DIP2C: variants seen among roughly 807,000 people sequenced by gnomAD.
The protein encoded by DIP2C is disco-interacting protein 2 homolog C.
Under a neutral mutation model 192.4 loss-of-function variants are expected in DIP2C, and 33 were observed. That is an observed-to-expected ratio of 0.17 (90% CI 0.13 to 0.23). DIP2C has a LOEUF of 0.23. DIP2C is among the 10% of genes least tolerant of loss of function. DIP2C has a pLI of 1.00. For missense variants in DIP2C, 1,537 were observed against 2,110.1 expected, an observed-to-expected ratio of 0.73 and a Z score of 5.32; for synonymous variants, 979 against 864.1, an observed-to-expected ratio of 1.13 and a Z score of -2.33.
chr10:648,579 CAG>C, intron 1 of DIP2C, among the ~76,000 whole-genome samples: 1 of 151,286 alleles, frequency 6.6e-6, no homozygotes, highest in East Asian at 2.0e-4. Context: ...TGGGCAAGAA[CAG>C]AGGGAAACTG....
At chr10:335,884 A>C (rs770241297) in intron 29 of DIP2C, among the ~76,000 whole-genome samples, 2 of 152,128 alleles carry the variant, frequency 1.3e-5, no homozygotes, top group Non-Finnish European at 2.9e-5. Context: ...TATTTTACTC[A>C]AAGTGTTACA....
chr10:614,016 C>T (rs528095571), intron 1 of DIP2C, among the ~76,000 whole-genome samples: 1 of 152,332 alleles, frequency 6.6e-6, no homozygotes, highest in Non-Finnish European at 1.5e-5. Flanking sequence ...TAAACCAGTG[C>T]CTGCATTCAA....
At chr10:358,454 C>T (rs887146004) in intron 22 of DIP2C, among the ~76,000 whole-genome samples, 3 of 147,342 alleles carry the variant, frequency 2.0e-5, no homozygotes, top group Non-Finnish European at 1.5e-5. Flanking sequence ...AGTCGCTTCT[C>T]GGTATGTTAT....
chr10:489,780 C>T (rs1348310600), intron 1 of DIP2C, among the ~76,000 whole-genome samples: 20 of 106,564 alleles, frequency 1.9e-4, no homozygotes, highest in African/African-American at 7.5e-4. Context: ...GCTTCCTCCA[C>T]TTCACACTAG....
chr10:532,237 G>A (rs192168264), intron 1 of DIP2C, among the ~76,000 whole-genome samples: 9 of 152,236 alleles, frequency 5.9e-5, no homozygotes, highest in African/African-American at 1.9e-4. Flanking sequence ...AGCCCATCCA[G>A]TTACCCACTC....
intron 10 of DIP2C, among the ~76,000 whole-genome samples, chr10:392,441 A>G (rs1315398551): frequency 6.6e-6 from 1 of 152,232 alleles, no homozygotes; most frequent in African/African-American, 2.4e-5. Context: ...AATCATACAC[A>G]TAAGAAGATC....
chr10:327,223 T>G (rs544089799), intron 30 of DIP2C, 47 bp from the exon 31 acceptor site: 1 of 1,583,062 alleles, frequency 6.3e-7, no homozygotes, highest in Non-Finnish European at 8.6e-7. Flanking sequence ...CGTGTCGAGC[T>G]TGGAGTGAGC....
chr10:468,161 CAT>C (rs1040665707), intron 3 of DIP2C, among the ~76,000 whole-genome samples: 4 of 152,154 alleles, frequency 2.6e-5, no homozygotes, highest in African/African-American at 9.7e-5. Context: ...AATAAACTAA[CAT>C]AAGCTCCTCT....
In DIP2C at chr10:328,872, T is replaced by C. The variant is rs77970491; in HGVS notation, c.3753+561A>G. Among the ~76,000 whole-genome samples, 72 of 152,324 alleles carry C rather than the reference T, an allele frequency of 4.7e-4. No individual in the cohort carries two copies. The East Asian group carries it at 0.013, about 28-fold the overall frequency. ...TTACTTGGAGCTAAGGACTACTTAATTTACCATGAAGATATACGTATCAAA... is the reference window on the plus strand; with the variant it reads ...TTACTTGGAGCTAAGGACTACTTAACTTACCATGAAGATATACGTATCAAA... On this transcript the variant is annotated intron_variant, in intron 30 of 36. Transcript: ENST00000280886.
chr10:337,069 TG>T, intron 29 of DIP2C, among the ~76,000 whole-genome samples: 1 of 122,302 alleles, frequency 8.2e-6, no homozygotes, highest in African/African-American at 3.3e-5. Flanking sequence ...TGTGTGTGTG[TG>T]TGTTGTGGAG....
chr10:292,475 G>A (rs1955539281), intron 32 of DIP2C, among the ~76,000 whole-genome samples: 1 of 152,244 alleles, frequency 6.6e-6, no homozygotes, highest in Non-Finnish European at 1.5e-5. Context: ...CAGAGATAGA[G>A]AGTTGACATG....
In DIP2C at chr10:489,625, TTCC is replaced by T. The variant is rs546347270; in HGVS notation, c.86-3098_86-3096del. ...CAGTGGCTCTGACAGAGCCTGGTGC[TTCC>T]TCCATTTCACACTAGGGACACGGTG... On this transcript the variant is annotated intron_variant, in intron 1 of 36. Transcript: ENST00000280886. 4.0e-3 allele frequency among the ~76,000 whole-genome samples: 611 copies of T among 152,098 alleles called. 5 individuals carry two copies. The highest frequency in any genetic ancestry group is 0.017 in the Middle Eastern group (5 of 290).
In DIP2C at chr10:649,292, G is replaced by C. The variant is rs541879810; in HGVS notation, c.85+40202C>G. Among the ~76,000 whole-genome samples, 60 of 151,716 alleles carry C rather than the reference G, an allele frequency of 4.0e-4. 2 individuals carry two copies. Among genetic ancestry groups the C allele is most frequent in the Non-Finnish European group, 6.6e-4 (45 of 67,836 alleles). On this transcript the variant is annotated intron_variant, in intron 1 of 36. Transcript: ENST00000280886. ...AGTCCACGTCAACATTTGAGGGTGG[G>C]AGAGAACAGAGGGAAACTGAGTCCA...
At chr10:361,616 C>T (rs1485258884) in intron 22 of DIP2C, among the ~76,000 whole-genome samples, 4 of 152,162 alleles carry the variant, frequency 2.6e-5, no homozygotes, top group Non-Finnish European at 5.9e-5. Context: ...GACAATCAAA[C>T]AGTGGGGAGA....
At chr10:517,181 C>T (rs1015534149) in intron 1 of DIP2C, among the ~76,000 whole-genome samples, 2 of 152,152 alleles carry the variant, frequency 1.3e-5, no homozygotes, top group African/African-American at 2.4e-5. Context: ...TCCAGCCAAG[C>T]CCCTTCTCCT....
chr10:598,643 GTCAT>G (rs2131682052), intron 1 of DIP2C, among the ~76,000 whole-genome samples: 1 of 151,392 alleles, frequency 6.6e-6, no homozygotes, highest in Admixed American at 6.6e-5. Flanking sequence ...CCTTGATGAA[GTCAT>G]TCATTCCCCA....
intron 1 of DIP2C, among the ~76,000 whole-genome samples, chr10:609,024 T>G (rs2131761601): frequency 6.6e-6 from 1 of 152,028 alleles, no homozygotes; most frequent in East Asian, 1.9e-4. Flanking sequence ...TAAGCATGAT[T>G]TTGTCATCAC....
intron 1 of DIP2C, among the ~76,000 whole-genome samples, chr10:492,369 C>T (rs1051104993): frequency 6.6e-6 from 1 of 152,204 alleles, no homozygotes; most frequent in Non-Finnish European, 1.5e-5. Flanking sequence ...ATGGCTCCAC[C>T]TGCACCTGCT....
chr10:563,374 C>T (rs928301156), intron 1 of DIP2C, among the ~76,000 whole-genome samples: 2 of 151,988 alleles, frequency 1.3e-5, no homozygotes, highest in African/African-American at 4.8e-5. Context: ...TTTAAAAAAC[C>T]TCCTAACAGC....
Sources: allele counts gnomAD v4.1 joint callset (sites outside exome capture counted in the v4.1 genomes callset), GRCh38; gene constraint gnomAD v4.1.1; transcripts MANE v1.5; gene names NCBI Gene and HGNC (gene_info 2026-07-23, HGNC 2026-07-21).